Variants in MON2 observed in about 807,000 individuals in gnomAD.
MON2 encodes protein MON2 homolog.
A neutral mutation model predicts 208.6 loss-of-function variants in MON2; 84 were observed. That is an observed-to-expected ratio of 0.40 (90% CI 0.34 to 0.48). The LOEUF (loss-of-function observed/expected upper bound fraction) is 0.48, where lower values mean the gene tolerates loss of function less well. MON2 is among the 20% of genes least tolerant of loss of function. The pLI, the probability that MON2 is intolerant of heterozygous loss-of-function variation, is 0.59. For missense variants in MON2, 1,611 were observed against 2,015.4 expected, an observed-to-expected ratio of 0.80 and a Z score of 3.84; for synonymous variants, 660 against 694.0, an observed-to-expected ratio of 0.95 and a Z score of 0.77.
chr12:62,497,606 G>A (rs926952592), intron 4 of MON2, among the ~76,000 whole-genome samples: 3 of 151,946 alleles, frequency 2.0e-5, no homozygotes, highest in Admixed American at 6.6e-5. Context: ...GGAAACTGGC[G>A]GTTTCTTTCT....
At chr12:62,522,754 A>C (rs993083000) in intron 8 of MON2, among the ~76,000 whole-genome samples, 1 of 152,212 alleles carries the variant, frequency 6.6e-6, no homozygotes, top group Non-Finnish European at 1.5e-5. Context: ...GCCCTTGTTC[A>C]GTGTTCAGTG....
At chr12:62,537,822 A>G (rs2073048908) in intron 16 of MON2, 116 bp downstream of exon 16, 2 of 815,802 alleles carry the variant, frequency 2.5e-6, no homozygotes, top group East Asian at 2.6e-5. Context: ...GATAGTAAGT[A>G]TGAAAAAAGA....
At chr12:62,574,727 AC>A (rs1281657233) in intron 30 of MON2, among the ~76,000 whole-genome samples, 1 of 152,066 alleles carries the variant, frequency 6.6e-6, no homozygotes, top group Non-Finnish European at 1.5e-5. Flanking sequence ...GTTGATGAAC[AC>A]CCTAGATTGA....
intron 6 of MON2, 104 bp from the exon 7 acceptor site, chr12:62,501,469 T>C: frequency 2.2e-6 from 3 of 1,333,498 alleles, no homozygotes; most frequent in Non-Finnish European, 3.1e-6. Flanking sequence ...AGCAAAAACA[T>C]GTATTATATA....
chr12:62,507,985 C>T (rs1030977176), intron 7 of MON2, among the ~76,000 whole-genome samples: 3 of 151,914 alleles, frequency 2.0e-5, no homozygotes, highest in Admixed American at 6.6e-5. Context: ...TGCCAAGGCT[C>T]ATCTTGAACT....
At chr12:62,492,497 G>A (rs1448714823) in intron 2 of MON2, among the ~76,000 whole-genome samples, 1 of 146,838 alleles carries the variant, frequency 6.8e-6, no homozygotes, top group Admixed American at 6.8e-5. Context: ...TCAGCCTCCC[G>A]AGTAGCTGGG....
At chr12:62,574,226 T>C (rs962402688) in intron 30 of MON2, among the ~76,000 whole-genome samples, 1 of 152,224 alleles carries the variant, frequency 6.6e-6, no homozygotes. Context: ...TCCACTATTA[T>C]TGTCATTAAT....
chr12:62,477,926 T>G (rs957471599), intron 1 of MON2, among the ~76,000 whole-genome samples: 1 of 152,202 alleles, frequency 6.6e-6, no homozygotes, highest in African/African-American at 2.4e-5. Context: ...CAAGGTTGGA[T>G]GTAGCCTGAG....
chr12:62,573,163 CTG>C (rs1209472147), intron 30 of MON2, among the ~76,000 whole-genome samples: 3 of 152,142 alleles, frequency 2.0e-5, no homozygotes, highest in South Asian at 2.1e-4. Context: ...TAAGCATACT[CTG>C]TTTCTGAAGG....
chr12:62,551,069 G>A (rs929019872), intron 23 of MON2, among the ~76,000 whole-genome samples: 13 of 151,926 alleles, frequency 8.6e-5, no homozygotes, highest in Admixed American at 4.6e-4. Flanking sequence ...ATAGGCGCCC[G>A]CCATGATGTA....
chr12:62,585,555 T>C lies in MON2; in HGVS notation c.4907+54T>C, dbSNP rs908850128. 21 of 1,377,030 alleles carry C rather than the reference T, an allele frequency of 1.5e-5. No homozygotes were observed. In the African/African-American group the frequency reaches 3.1e-4, roughly 20 times the overall value. 85.3% of individuals were successfully genotyped at this position (1,377,030 alleles called of 1,614,324 possible). On this transcript the variant is annotated intron_variant, in intron 33 of 34. Transcript: ENST00000393630. ...AATGTATTGTTGTACTAATTGTTGA[T>C]AACAAGGAAAACTCTGAAAAGCAAG... is the stretch of plus-strand genomic sequence containing the variant.
At chr12:62,513,778 C>G (rs1363967305) in intron 8 of MON2, among the ~76,000 whole-genome samples, 3 of 146,152 alleles carry the variant, frequency 2.1e-5, no homozygotes, top group Non-Finnish European at 4.6e-5. Flanking sequence ...AACCCCATCT[C>G]TACTAAAAAA....
At chr12:62,545,450 TTTAC>T (rs1242927626) in intron 21 of MON2, 1 of 152,146 alleles carries the variant, frequency 6.6e-6, no homozygotes, top group African/African-American at 2.4e-5. Context: ...ACTTCCAGAG[TTTAC>T]TTTTGTCATG....
At chr12:62,528,298 C>A (rs1248779648) in intron 11 of MON2, among the ~76,000 whole-genome samples, 1 of 152,040 alleles carries the variant, frequency 6.6e-6, no homozygotes, top group African/African-American at 2.4e-5. Flanking sequence ...GCATTCTGTT[C>A]TTTTATTGAC....
At chr12:62,473,584 T>A (rs1467246864) in intron 1 of MON2, among the ~76,000 whole-genome samples, 1 of 152,186 alleles carries the variant, frequency 6.6e-6, no homozygotes, top group African/African-American at 2.4e-5. Context: ...TTGTTTCTAT[T>A]TTTTGAGACA....
Position 62,549,661 on chromosome 12 carries a change from T to G in MON2, c.2754-7T>G. 1 of 1,582,738 alleles carries G rather than the reference T, an allele frequency of 6.3e-7. No individual in the cohort carries two copies. Among genetic ancestry groups the G allele is most frequent in the Non-Finnish European group, 8.5e-7 (1 of 1,169,898 alleles). On this transcript the variant is annotated splice_polypyrimidine_tract_variant and splice_region_variant and intron_variant, in intron 22 of 34. Transcript: ENST00000393630. ...AGTGCATCTGTATACATTTCTTTTG[T>G]TTTCAGAGAATCCTTGATACGAACT...
chr12:62,474,369 C>T (rs554135178), intron 1 of MON2, among the ~76,000 whole-genome samples: 143 of 151,884 alleles, frequency 9.4e-4, no homozygotes, highest in Non-Finnish European at 1.5e-3. Context: ...CCGCCCGCCT[C>T]GGCCTCCCAA....
chr12:62,469,345 C>T (rs896678119), intron 1 of MON2, among the ~76,000 whole-genome samples: 6 of 152,042 alleles, frequency 3.9e-5, no homozygotes, highest in African/African-American at 7.2e-5. Flanking sequence ...GACCCTGTCT[C>T]AAAACAAACT....
rs115641559 is a variant in MON2 at position 62,532,167 on chromosome 12, A to G, written c.1401-271A>G. The stretch of plus-strand genomic sequence containing the variant: ...TAATTTTTCTAATATCTAATATTTA[A>G]TGAAAACATTGGCACAACTCAGGGG... On this transcript the variant is annotated intron_variant, in intron 11 of 34. Coordinates refer to ENST00000393630, the MANE Select transcript of MON2 (RefSeq NM_015026.3). Among the ~76,000 whole-genome samples the G allele has an allele frequency of 2.8e-3, 430 of 152,344 alleles. 4 individuals are homozygous for G. Among genetic ancestry groups the G allele is most frequent in the African/African-American group, 9.9e-3 (410 of 41,564 alleles).
Sources: gnomAD v4.1 joint callset for allele counts (sites outside exome capture counted in the v4.1 genomes callset) on GRCh38, gnomAD v4.1.1 for gene constraint, MANE v1.5 for transcripts, NCBI Gene and HGNC (gene_info 2026-07-23, HGNC 2026-07-21) for gene names.